Variants in RAB31 observed in about 807,000 individuals in gnomAD.
The protein encoded by RAB31 is RAB31, member RAS oncogene family, also known as ras-related protein Rab-31.
A neutral mutation model predicts 25.6 loss-of-function variants in RAB31; 21 were observed. That is an observed-to-expected ratio of 0.82 (90% CI 0.58 to 1.18). The LOEUF (loss-of-function observed/expected upper bound fraction) is 1.18. RAB31 is among the 50% of genes most tolerant of loss of function. RAB31 has a pLI of 0.00. For synonymous variants in RAB31, 87 were observed against 84.0 expected (o/e 1.04, Z -0.20); for missense variants, 196 against 250.1 (o/e 0.78, Z 1.46).
intron 1 of RAB31, among the ~76,000 whole-genome samples, chr18:9,774,664 C>T (rs144298290): frequency 2.2e-4 from 34 of 152,172 alleles, no homozygotes; most frequent in Admixed American, 6.5e-4. Context: ...GATATAAATG[C>T]GTGCATTGAA....
In RAB31 at chr18:9,708,563, G is replaced by A; in HGVS notation, c.39+119G>A. 1.1e-6 allele frequency: 1 copy of A among 889,588 alleles called. No individual in the cohort carries two copies. The highest frequency in any genetic ancestry group is 3.2e-5 in the East Asian group (1 of 31,072). The allele number at this position is 889,588 out of a possible 1,614,324, so 55.1% of individuals were successfully genotyped here. A position where few individuals can be genotyped will look rare whatever the true frequency, so the allele number is the denominator to read the frequency against. On this transcript the variant is annotated intron_variant, in intron 1 of 6. Transcript: ENST00000578921. This position sits in a 1 kb window ranked among gnomAD's most constrained non-coding sequence, Gnocchi z 6.4. The stretch of plus-strand genomic sequence containing the variant: ...CCTCGCTCTCCGCACCCCTCTCGTA[G>A]CCCCCGTCCCCCTCGTCCGCGCGCC...
chr18:9,829,843 T>A (rs2068668267), intron 5 of RAB31, among the ~76,000 whole-genome samples: 1 of 152,152 alleles, frequency 6.6e-6, no homozygotes. Context: ...ATCTTTGCCA[T>A]TTTTTTCTAT....
chr18:9,743,215 C>T (rs568174686), intron 1 of RAB31, among the ~76,000 whole-genome samples: 61 of 152,302 alleles, frequency 4.0e-4, no homozygotes, highest in African/African-American at 1.3e-3. Flanking sequence ...TCTGTCTGGT[C>T]ACCTTCCCTG....
chr18:9,792,751 T>A (rs76070334), intron 3 of RAB31, among the ~76,000 whole-genome samples: 1 of 152,140 alleles, frequency 6.6e-6, no homozygotes, highest in African/African-American at 2.4e-5. Context: ...GGGGGTTTGG[T>A]GCCCCTACTG....
intron 2 of RAB31, among the ~76,000 whole-genome samples, chr18:9,782,653 A>G (rs2068411076): frequency 6.6e-6 from 1 of 151,210 alleles, no homozygotes; most frequent in Admixed American, 6.6e-5. Flanking sequence ...CTCCTCCACC[A>G]GTTTGGAGGG....
intron 1 of RAB31, among the ~76,000 whole-genome samples, chr18:9,731,508 T>C (rs770222317): frequency 9.9e-5 from 15 of 151,902 alleles, no homozygotes; most frequent in Non-Finnish European, 2.2e-4. Context: ...GATTCAACTG[T>C]ATGGGAGGGA....
chr18:9,843,812 G>A (rs756168989), intron 5 of RAB31, among the ~76,000 whole-genome samples: 2 of 152,158 alleles, frequency 1.3e-5, no homozygotes, highest in Admixed American at 1.3e-4. Context: ...AGAGGCTGGG[G>A]CCATCGCCTT....
chr18:9,858,378 A>G (rs2068829914), intron 6 of RAB31, among the ~76,000 whole-genome samples: 1 of 152,186 alleles, frequency 6.6e-6, no homozygotes, highest in African/African-American at 2.4e-5. Flanking sequence ...TCAGAAAACA[A>G]CTTTATTGAG....
At chr18:9,826,593 T>G (rs1454814672) in intron 5 of RAB31, among the ~76,000 whole-genome samples, 2 of 152,150 alleles carry the variant, frequency 1.3e-5, no homozygotes, top group African/African-American at 4.8e-5. Flanking sequence ...AGCTTGGATC[T>G]TTTTCTAGGT....
At chr18:9,775,790 C>CTT in intron 2 of RAB31, among the ~76,000 whole-genome samples, 1 of 151,562 alleles carries the variant, frequency 6.6e-6, no homozygotes, top group African/African-American at 2.4e-5. Flanking sequence ...CTGGAATTAT[C>CTT]TTTTTTTTTA....
chr18:9,759,592 T>C (rs1303771608), intron 1 of RAB31, among the ~76,000 whole-genome samples: 2 of 151,572 alleles, frequency 1.3e-5, no homozygotes, highest in East Asian at 3.9e-4. Flanking sequence ...AGGGGGATAT[T>C]GGATGCCTGA....
At chr18:9,809,760 A>G (rs2068561409) in intron 3 of RAB31, among the ~76,000 whole-genome samples, 1 of 152,222 alleles carries the variant, frequency 6.6e-6, no homozygotes, top group African/African-American at 2.4e-5. Context: ...ATAATTTTCA[A>G]AGGAATTCTG....
Position 9,835,703 on chromosome 18 carries a change from G to A in RAB31, c.381-9879G>A, listed in dbSNP as rs112303697. On this transcript the variant is annotated intron_variant, in intron 5 of 6. Coordinates refer to ENST00000578921, the MANE Select transcript of RAB31 (RefSeq NM_006868.4). ...TGTGTTATTGTCTCAGATATTTGCT[G>A]TGAAGGGAGTAGCTATTCTTTGTTT... Among the ~76,000 whole-genome samples, 1,101 of 152,318 alleles carry A rather than the reference G, an allele frequency of 7.2e-3. 19 individuals are homozygous for A. Among genetic ancestry groups the A allele is most frequent in the African/African-American group, 0.025 (1,041 of 41,564 alleles).
At chr18:9,742,375 C>T (rs2068184249) in intron 1 of RAB31, among the ~76,000 whole-genome samples, 1 of 152,110 alleles carries the variant, frequency 6.6e-6, no homozygotes, top group South Asian at 2.1e-4. Flanking sequence ...GGCGGATGGT[C>T]CGGAAGAGCA....
At chr18:9,802,304 G>A (rs1026933619) in intron 3 of RAB31, among the ~76,000 whole-genome samples, 6 of 152,202 alleles carry the variant, frequency 3.9e-5, no homozygotes, top group African/African-American at 1.4e-4. Context: ...TCAATGATAA[G>A]CAAGTTGCCA....
chr18:9,786,018 T>C (rs1413593584), intron 2 of RAB31, among the ~76,000 whole-genome samples: 2 of 150,898 alleles, frequency 1.3e-5, no homozygotes, highest in Non-Finnish European at 2.9e-5. Flanking sequence ...GCGACTGCAC[T>C]CTAGCGTGGG....
intron 3 of RAB31, among the ~76,000 whole-genome samples, chr18:9,800,118 G>A (rs2267570): frequency 0.24 from 36,014 of 152,108 alleles, 4,352 homozygotes; most frequent in South Asian, 0.35. Flanking sequence ...AGCTCCCTGC[G>A]GGAGCCTAGA....
chr18:9,747,356 T>C (rs1045473227), intron 1 of RAB31, among the ~76,000 whole-genome samples: 4 of 152,204 alleles, frequency 2.6e-5, no homozygotes, highest in Admixed American at 2.0e-4. Context: ...AACATAGAGT[T>C]ACCATATGAC....
At chr18:9,849,944 G>A (rs186503537) in intron 6 of RAB31, among the ~76,000 whole-genome samples, 3 of 152,202 alleles carry the variant, frequency 2.0e-5, no homozygotes, top group South Asian at 2.1e-4. Flanking sequence ...AAGCAGGAGT[G>A]CAGAGTGTCC....
Sources: gnomAD v4.1 joint callset for allele counts (sites outside exome capture counted in the v4.1 genomes callset) on GRCh38, gnomAD v4.1.1 for gene constraint, Gnocchi (gnomAD v3.1) non-coding constraint, MANE v1.5 for transcripts, NCBI Gene and HGNC (gene_info 2026-07-23, HGNC 2026-07-21) for gene names.